The following SLC22A13 variants were observed in gnomAD, a reference collection of about 807,000 sequenced individuals.
SLC22A13 encodes solute carrier family 22 member 13.
Under a neutral mutation model 49.1 loss-of-function variants are expected in SLC22A13, and 42 were observed. That is an observed-to-expected ratio of 0.85 (90% CI 0.67 to 1.11). The LOEUF (loss-of-function observed/expected upper bound fraction) is 1.11, where lower values mean the gene tolerates loss of function less well. Among genes scored for constraint, SLC22A13 ranks in the 50% least tolerant of loss-of-function variants. The probability of loss-of-function intolerance (pLI) is 0.00; values close to 1 mark genes in which losing one functional copy is unlikely to be tolerated. For synonymous variants in SLC22A13, 282 were observed against 293.1 expected, an observed-to-expected ratio of 0.96 and a Z score of 0.39; for missense variants, 694 against 712.8, an observed-to-expected ratio of 0.97 and a Z score of 0.30.
rs1279400389 is a variant in SLC22A13, at chr3:38,276,364, T to C, written c.1315T>C (p.Tyr439His). ...TAAAFTISYV[Y>H]SAELFPTILR... is the part of the protein sequence containing the mutation. ...TGCTGCCTTTACCATCTCCTATGTG[T>C]ACTCTGCCGAGCTTTTCCCCACCAT... The change falls in exon 8 of 10, where the codon TAC becomes CAC. Residue 439 changes from tyrosine to histidine, a missense_variant. Physicochemically the swap from Tyr to His is moderately conservative, Grantham distance 83. Transcript: ENST00000311856. 1 of 1,613,290 alleles carries C rather than the reference T, an allele frequency of 6.2e-7. No individual in the cohort carries two copies. The highest frequency in any genetic ancestry group is 8.5e-7 in the Non-Finnish European group (1 of 1,179,586).
intron 2 of SLC22A13, 53 bp from the exon 3 acceptor site, chr3:38,274,551 C>G: frequency 6.3e-7 from 1 of 1,592,360 alleles, no homozygotes. Context: ...CGGCCTTCTC[C>G]TCAGATGCCT....
chr3:38,265,925 T>G lies in SLC22A13; in HGVS notation c.65T>G (p.Leu22Trp), dbSNP rs1703458621. The G allele has an allele frequency of 3.1e-6, 5 of 1,614,038 alleles. No individual in the cohort carries two copies. In the East Asian group the frequency reaches 8.9e-5, roughly 29 times the overall value. Residue 22 changes from leucine (L) to tryptophan (W), a missense_variant, in exon 1 of 10, where the codon TTG becomes TGG. Physicochemically the swap from Leu to Trp is moderately conservative, Grantham distance 61. Coordinates refer to ENST00000311856, the MANE Select transcript of SLC22A13 (RefSeq NM_004256.4). ...TTTGGTCGCTTCCAGATACAGCTATTGATCCTGCTGTGTGTTCTCAACTTC... is the reference window on the plus strand; with the variant it reads ...TTTGGTCGCTTCCAGATACAGCTATGGATCCTGCTGTGTGTTCTCAACTTC... ...GDFGRFQIQL[L>W]ILLCVLNFLS...
chr3:38,275,096 A>C lies in SLC22A13; in HGVS notation c.745A>C (p.Asn249His). ...TGCGGGACTCGCCTACGGTTTCCGCAACTGGAGGCTCCTTCAGATCACCGG... is the reference window on the plus strand; with the variant it reads ...TGCGGGACTCGCCTACGGTTTCCGCCACTGGAGGCTCCTTCAGATCACCGG... Reference protein sequence around the residue: ...VLAGLAYGFRNWRLLQITGTA... With the variant: ...VLAGLAYGFRHWRLLQITGTA... Residue 249 changes from asparagine (N) to histidine (H), a missense_variant, in exon 4 of 10, where the codon AAC (asparagine) becomes CAC (histidine). Physicochemically the swap from Asn to His is moderately conservative, Grantham distance 68 (BLOSUM62 1). Transcript: ENST00000311856. The C allele has an allele frequency of 6.2e-7, 1 of 1,614,224 alleles. No homozygotes were observed. The highest frequency in any genetic ancestry group is 1.1e-5 in the South Asian group (1 of 91,092).
Position 38,266,148 on chromosome 3 carries a change from G to A in SLC22A13, c.288G>A (p.Gln96=). 1.2e-6 allele frequency: 2 copies of A among 1,614,116 alleles called. No homozygotes were observed. The highest frequency in any genetic ancestry group is 1.1e-5 in the South Asian group (1 of 91,082). The change falls in exon 1 of 10, where the codon CAG becomes CAA. Residue 96 remains glutamine, a synonymous_variant. Transcript: ENST00000311856. ...FRPPPANASL[Q]DILSHRFNET... is the part of the protein sequence containing the mutation. ...CACCCCCCGCCAATGCCAGCCTGCA[G>A]GACATCCTCAGCCACCGCTTCAATG...
chr3:38,274,771 G>T lies in SLC22A13; in HGVS notation c.637+13G>T, dbSNP rs1703558601. ...AATGTCACCCTACGTGAGTGTCTGG[G>T]CCCTGGAGCCTTCAGCCATAGGGTG... is the stretch of plus-strand genomic sequence containing the variant. On this transcript the variant is annotated intron_variant, in intron 3 of 9. Transcript: ENST00000311856. The T allele has an allele frequency of 1.2e-6, 2 of 1,609,528 alleles. No individual in the cohort carries two copies. Among genetic ancestry groups the T allele is most frequent in the African/African-American group, 2.7e-5 (2 of 74,822 alleles).
At position 38,275,465 on chromosome 3, in the gene SLC22A13, A is replaced by C. The variant is rs767462322; in HGVS notation, c.902A>C (p.Lys301Thr). 1.9e-6 allele frequency: 3 copies of C among 1,614,148 alleles called. No homozygotes were observed. Among genetic ancestry groups the C allele is most frequent in the Non-Finnish European group, 2.5e-6 (3 of 1,180,026 alleles). ...AAGGCGGCCTCGGTCAATAGGCGGA[A>C]ACTCTCCCCGGAGCTCATGAACCAG... is the stretch of plus-strand genomic sequence containing the variant. ...IQKAASVNRRKLSPELMNQLV... is the reference protein window; with the variant it reads ...IQKAASVNRRTLSPELMNQLV... The change falls in exon 5 of 10, where the codon AAA becomes ACA. Residue 301 changes from lysine to threonine, a missense_variant. Physicochemically the swap from Lys to Thr is moderately conservative, Grantham distance 78. Coordinates refer to ENST00000311856, the MANE Select transcript of SLC22A13 (RefSeq NM_004256.4).
At chr3:38,268,041 A>G (rs1703481379) in intron 1 of SLC22A13, among the ~76,000 whole-genome samples, 1 of 152,200 alleles carries the variant, frequency 6.6e-6, no homozygotes, top group Non-Finnish European at 1.5e-5. Flanking sequence ...TGTTTGACAC[A>G]TCTGAAAAGA....
At chr3:38,274,186 C>G (rs960832503) in intron 1 of SLC22A13, 86 bp from the exon 2 acceptor site, 27 of 986,732 alleles carry the variant, frequency 2.7e-5, no homozygotes, top group Non-Finnish European at 4.2e-5. Context: ...TGAGCTCCTG[C>G]CCTGAAGGGT....
In SLC22A13 at chr3:38,276,106, C is replaced by G; in HGVS notation, c.1237+10C>G. 1.9e-6 allele frequency: 3 copies of G among 1,608,184 alleles called. No homozygotes were observed. The highest frequency in any genetic ancestry group is 1.1e-5 in the South Asian group (1 of 90,542). On this transcript the variant is annotated intron_variant, in intron 7 of 9. Coordinates refer to ENST00000311856, the MANE Select transcript of SLC22A13 (RefSeq NM_004256.4). ...ATCTTCATCCCAGCAGGTATCAGGG[C>G]TGGCTATCCCTCACCCGCATGCCCC...
intron 1 of SLC22A13, among the ~76,000 whole-genome samples, chr3:38,271,327 G>C (rs937211585): frequency 6.6e-6 from 1 of 152,036 alleles, no homozygotes; most frequent in South Asian, 2.1e-4. Context: ...CACTTTGGGA[G>C]GCTGAGGCAG....
Position 38,277,366 on chromosome 3 carries a change from C to T in SLC22A13, c.1563-6C>T, listed in dbSNP as rs763789178. ...GCAGCCAATGACAGCCTTCTGCTCC[C>T]TCTAGGTCCCCCAAATCAGTGCCCT... is the stretch of plus-strand genomic sequence containing the variant. On this transcript the variant is annotated splice_region_variant and splice_polypyrimidine_tract_variant and intron_variant, in intron 9 of 9. Coordinates refer to ENST00000311856, the MANE Select transcript of SLC22A13 (RefSeq NM_004256.4). 10 of 1,611,216 alleles carry T rather than the reference C, an allele frequency of 6.2e-6. No homozygotes were observed. In the South Asian group the frequency reaches 8.8e-5, roughly 14 times the overall value.
In SLC22A13 at chr3:38,274,664, C is replaced by G. The variant is rs1703556897; in HGVS notation, c.543C>G (p.Ala181=). The G allele has an allele frequency of 6.2e-7, 1 of 1,614,174 alleles. No individual in the cohort carries two copies. ...QLLLFTLIGL[A]TAFVPSFELY... is the part of the protein sequence containing the mutation. ...TCCTCTTCACCCTCATCGGCCTGGC[C>G]ACAGCTTTTGTGCCCAGCTTTGAGC... The change falls in exon 3 of 10, where the codon GCC becomes GCG. Residue 181 remains alanine, a synonymous_variant. Transcript: ENST00000311856.
In SLC22A13 at chr3:38,277,392, C is replaced by G. The variant is rs1322364471; in HGVS notation, c.1583C>G (p.Ser528Ter). 8 of 1,613,904 alleles carry G rather than the reference C, an allele frequency of 5.0e-6. No homozygotes were observed. Reference sequence around the variant, plus strand: ...TCTAGGTCCCCCAAATCAGTGCCCTCAGAGAAGGAAACAGAGGCCAAGGGA... The same window carrying G: ...TCTAGGTCCCCCAAATCAGTGCCCTGAGAGAAGGAAACAGAGGCCAAGGGA... Reference protein sequence around the residue: ...PHPRSPKSVPSEKETEAKGRT... With the variant: ...PHPRSPKSVP The change falls in exon 10 of 10, where the codon TCA becomes TGA. Residue 528 changes from serine (S) to a stop codon, truncating the protein, a stop_gained. Coordinates refer to ENST00000311856, the MANE Select transcript of SLC22A13 (RefSeq NM_004256.4). LOFTEE classifies it low-confidence loss of function (END_TRUNC).
At chr3:38,276,464 C>A (rs1703586092) in intron 8 of SLC22A13, 69 bp downstream of exon 8, 1 of 1,124,660 alleles carries the variant, frequency 8.9e-7, no homozygotes, top group African/African-American at 1.5e-5. Flanking sequence ...CTCCTCGGCC[C>A]TCACCCCATT....
In SLC22A13 at chr3:38,275,563, G is replaced by A; in HGVS notation, c.928-15G>A. ...ATCTTCCTGCCTGGCTTCTCACTCT[G>A]CTTCTTCCTCCCAGCTGGTCCCAGA... On this transcript the variant is annotated splice_polypyrimidine_tract_variant and intron_variant, in intron 5 of 9. Transcript: ENST00000311856. 1 of 1,614,058 alleles carries A rather than the reference G, an allele frequency of 6.2e-7. No individual in the cohort carries two copies. Among genetic ancestry groups the A allele is most frequent in the African/African-American group, 1.3e-5 (1 of 75,072 alleles).
rs765189332 is a variant in SLC22A13 at position 38,274,271 on chromosome 3, G to T, written c.379-1G>T. ...CTCACATCTGCCTGTGTCTCCCTCA[G>T]TTCAACCTGGTTTGTGATCGGAAGC... is the stretch of plus-strand genomic sequence containing the variant. On this transcript the variant is annotated splice_acceptor_variant, in intron 1 of 9. Coordinates refer to ENST00000311856, the MANE Select transcript of SLC22A13 (RefSeq NM_004256.4). LOFTEE classifies it high-confidence loss of function. 3 of 1,613,270 alleles carry T rather than the reference G, an allele frequency of 1.9e-6. No individual in the cohort carries two copies. The Admixed American group carries it at 5.0e-5, about 27-fold the overall frequency.
intron 8 of SLC22A13, among the ~76,000 whole-genome samples, chr3:38,276,689 A>T (rs1359874912): frequency 2.6e-5 from 4 of 152,110 alleles, no homozygotes; most frequent in Non-Finnish European, 5.9e-5. Flanking sequence ...AGTGGTAAGG[A>T]TGTGCAGCCT....
chr3:38,273,467 G>A (rs1358520236), intron 1 of SLC22A13, among the ~76,000 whole-genome samples: 1 of 152,058 alleles, frequency 6.6e-6, no homozygotes, highest in Non-Finnish European at 1.5e-5. Context: ...CATGTGTGAG[G>A]GCTCCTTAGG....
chr3:38,274,182 C>G (rs1482140378), intron 1 of SLC22A13, 90 bp from the exon 2 acceptor site: 3 of 953,660 alleles, frequency 3.1e-6, no homozygotes, highest in Admixed American at 3.5e-5. Flanking sequence ...ACCATGAGCT[C>G]CTGCCCTGAA....
Sources: gnomAD v4.1 joint callset for allele counts (sites outside exome capture counted in the v4.1 genomes callset) on GRCh38, gnomAD v4.1.1 for gene constraint, MANE v1.5 for transcripts, NCBI Gene and HGNC (gene_info 2026-07-23, HGNC 2026-07-21) for gene names.